The following ATXN1 variants were observed in gnomAD, a reference collection of about 807,000 sequenced individuals.
The protein encoded by ATXN1 is ataxin-1.
A neutral mutation model predicts 56.4 loss-of-function variants in ATXN1; 8 were observed. That is an observed-to-expected ratio of 0.14 (90% confidence interval 0.08 to 0.26). The LOEUF is 0.26. ATXN1 is among the 10% of genes least tolerant of loss of function. The pLI is 1.00. For synonymous variants in ATXN1, 514 were observed against 494.6 expected (o/e 1.04, Z -0.52); for missense variants, 987 against 1,106.5 (o/e 0.89, Z 1.53).
intron 7 of ATXN1, among the ~76,000 whole-genome samples, chr6:16,308,350 AC>A (rs1724451011): frequency 6.6e-6 from 1 of 151,780 alleles, no homozygotes; most frequent in Non-Finnish European, 1.5e-5. Flanking sequence ...ACACACACAC[AC>A]ACACACACAC....
intron 1 of ATXN1, among the ~76,000 whole-genome samples, chr6:16,758,592 C>T (rs148400042): frequency 6.6e-6 from 1 of 152,322 alleles, no homozygotes; most frequent in Non-Finnish European, 1.5e-5. Flanking sequence ...CTGGCTTGGG[C>T]AGCATAAATG....
chr6:16,397,732 A>G (rs1457596958), intron 6 of ATXN1, among the ~76,000 whole-genome samples: 1 of 152,050 alleles, frequency 6.6e-6, no homozygotes. Context: ...TCTATTGCTG[A>G]TTTACTCCCT....
intron 2 of ATXN1, among the ~76,000 whole-genome samples, chr6:16,664,805 C>T (rs149596472): frequency 3.0e-4 from 45 of 151,670 alleles, no homozygotes; most frequent in African/African-American, 1.0e-3. Context: ...ATTGAGGACC[C>T]CAAGGAACTT....
At chr6:16,563,408 A>G (rs1762156560) in intron 4 of ATXN1, among the ~76,000 whole-genome samples, 2 of 152,164 alleles carry the variant, frequency 1.3e-5, no homozygotes, top group Admixed American at 6.5e-5. Flanking sequence ...GCATGGCACT[A>G]AGCTATTGGG....
At chr6:16,372,827 G>T (rs895787113) in intron 6 of ATXN1, among the ~76,000 whole-genome samples, 1 of 152,134 alleles carries the variant, frequency 6.6e-6, no homozygotes, top group Non-Finnish European at 1.5e-5. Context: ...GAGGCAGGAG[G>T]ATCACTTGAG....
intron 3 of ATXN1, among the ~76,000 whole-genome samples, chr6:16,621,684 G>A (rs1763323333): frequency 6.6e-6 from 1 of 152,198 alleles, no homozygotes. Context: ...CTGCACTCCA[G>A]CCTGGGAGAC....
chr6:16,370,618 T>C (rs1762020845), intron 6 of ATXN1, among the ~76,000 whole-genome samples: 2 of 152,222 alleles, frequency 1.3e-5, no homozygotes, highest in Admixed American at 1.3e-4. Flanking sequence ...CAACATGATA[T>C]ATCCACTATT....
intron 6 of ATXN1, among the ~76,000 whole-genome samples, chr6:16,445,519 T>A (rs1759615310): frequency 6.6e-6 from 1 of 152,068 alleles, no homozygotes; most frequent in South Asian, 2.1e-4. Context: ...CTTTTTTTTT[T>A]AAGTTTTTAT....
intron 4 of ATXN1, among the ~76,000 whole-genome samples, chr6:16,584,595 G>A (rs1339363265): frequency 6.6e-6 from 1 of 151,598 alleles, no homozygotes; most frequent in Non-Finnish European, 1.5e-5. Flanking sequence ...ATGGAGGAAG[G>A]TTCTACAAAA....
At chr6:16,402,807 G>C (rs1758605218) in intron 6 of ATXN1, among the ~76,000 whole-genome samples, 1 of 152,206 alleles carries the variant, frequency 6.6e-6, no homozygotes, top group African/African-American at 2.4e-5. Context: ...CAGAGGGCAA[G>C]GCTGCTTGGC....
rs190390432 is a variant in ATXN1 at position 16,358,628 on chromosome 6, G to T, written c.-160-30158C>A. Among the ~76,000 whole-genome samples, 13 of 152,354 alleles carry T rather than the reference G, an allele frequency of 8.5e-5. No individual in the cohort carries two copies. In the East Asian group the frequency reaches 2.3e-3, roughly 27 times the overall value. On this transcript the variant is annotated intron_variant, in intron 6 of 7. Coordinates refer to ENST00000436367, the MANE Select transcript of ATXN1 (RefSeq NM_001128164.2). ...GCGCGGCTGGTGCTGCATACTCCATGGAGCTGGTGGCAGCCCTGTTCATTC... is the reference window on the plus strand; with the variant it reads ...GCGCGGCTGGTGCTGCATACTCCATTGAGCTGGTGGCAGCCCTGTTCATTC...
At chr6:16,464,962 A>G (rs909096485) in intron 6 of ATXN1, among the ~76,000 whole-genome samples, 4 of 152,190 alleles carry the variant, frequency 2.6e-5, no homozygotes, top group Admixed American at 1.3e-4. Context: ...AGCAGTAGGG[A>G]CACTGTTTGT....
chr6:16,341,823 T>C (rs1289721553), intron 6 of ATXN1, among the ~76,000 whole-genome samples: 1 of 150,812 alleles, frequency 6.6e-6, no homozygotes, highest in African/African-American at 2.4e-5. Context: ...CCGGCTGGTA[T>C]AGAGGATCTT....
At chr6:16,636,459 G>A (rs1337334100) in intron 3 of ATXN1, among the ~76,000 whole-genome samples, 1 of 152,200 alleles carries the variant, frequency 6.6e-6, no homozygotes, top group South Asian at 2.1e-4. Context: ...GCAAGCCACT[G>A]GGACAGGCCC....
chr6:16,393,177 A>G (rs1249749147), intron 6 of ATXN1, among the ~76,000 whole-genome samples: 1 of 152,186 alleles, frequency 6.6e-6, no homozygotes, highest in Non-Finnish European at 1.5e-5. Flanking sequence ...ACCCACACAA[A>G]ATAGTGTATG....
intron 6 of ATXN1, among the ~76,000 whole-genome samples, chr6:16,463,602 T>G (rs1442453435): frequency 1.3e-5 from 2 of 152,194 alleles, no homozygotes; most frequent in African/African-American, 4.8e-5. Flanking sequence ...GGCCTAGACC[T>G]CCTCACTGCT....
chr6:16,563,645 G>C (rs984215720), intron 4 of ATXN1, among the ~76,000 whole-genome samples: 2 of 152,090 alleles, frequency 1.3e-5, no homozygotes, highest in Non-Finnish European at 2.9e-5. Flanking sequence ...GTCCAAGTTG[G>C]GGGGTGTGAG....
intron 3 of ATXN1, among the ~76,000 whole-genome samples, chr6:16,594,400 A>G (rs236930): frequency 0.073 from 11,153 of 151,962 alleles, 616 homozygotes; most frequent in East Asian, 0.17. Context: ...TAAAACTGAT[A>G]AATCATTTCA....
intron 3 of ATXN1, among the ~76,000 whole-genome samples, chr6:16,589,279 C>T (rs1052730215): frequency 7.9e-5 from 12 of 152,130 alleles, no homozygotes; most frequent in African/African-American, 2.9e-4. Flanking sequence ...CCCACCACAA[C>T]CTAAGTCCCT....
Sources: allele counts gnomAD v4.1 joint callset (sites outside exome capture counted in the v4.1 genomes callset), GRCh38; gene constraint gnomAD v4.1.1; transcripts MANE v1.5; gene names NCBI Gene and HGNC (gene_info 2026-07-23, HGNC 2026-07-21).